Variants in KCNMA1 observed in about 807,000 individuals in gnomAD.
KCNMA1 encodes the protein Calcium-activated potassium channel subunit alpha-1.
In KCNMA1, 29 loss-of-function variants were observed where a neutral mutation model predicts 140.0. The ratio of observed to expected loss-of-function variants is 0.21; its 90% CI spans 0.15 to 0.28. The LOEUF is 0.28. KCNMA1 is among the 10% of genes least tolerant of loss of function. The pLI is 1.00. For missense variants in KCNMA1, 880 were observed against 1,602.2 expected, an observed-to-expected ratio of 0.55 and a Z score of 7.70; for synonymous variants, 612 against 611.9, an observed-to-expected ratio of 1.00 and a Z score of 0.00.
intron 24 of KCNMA1, chr10:76,914,378 AAAC>A (rs1319038074): frequency 7.4e-6 from 4 of 537,188 alleles, no homozygotes; most frequent in Non-Finnish European, 1.3e-5. Context: ...ATGGCCCTCA[AAAC>A]CCCATCATTT....
intron 3 of KCNMA1, among the ~76,000 whole-genome samples, chr10:77,204,338 T>G (rs2043383605): frequency 1.3e-5 from 2 of 152,178 alleles, no homozygotes; most frequent in South Asian, 4.1e-4. Context: ...TCACTAGCCA[T>G]GAGAGGTCCA....
chr10:77,444,336 T>C (rs2097479017), intron 1 of KCNMA1, among the ~76,000 whole-genome samples: 1 of 152,208 alleles, frequency 6.6e-6, no homozygotes, highest in Admixed American at 6.5e-5. Context: ...ACCCAATGTT[T>C]TGCCATAGTA....
chr10:77,458,326 G>A (rs1039490350), intron 1 of KCNMA1, among the ~76,000 whole-genome samples: 2 of 152,136 alleles, frequency 1.3e-5, no homozygotes, highest in African/African-American at 2.4e-5. Flanking sequence ...CTAAAGATAG[G>A]GCAGGCACCA....
rs181110412 is a variant in KCNMA1 at position 77,623,836 on chromosome 10, C to T, written c.378+13429G>A. 2.0e-5 allele frequency among the ~76,000 whole-genome samples: 3 copies of T among 152,266 alleles called. No individual in the cohort carries two copies. In the East Asian group the frequency reaches 5.8e-4, roughly 29 times the overall value. On this transcript the variant is annotated intron_variant, in intron 1 of 27. Coordinates refer to ENST00000286628, the MANE Select transcript of KCNMA1 (RefSeq NM_001161352.2). The stretch of plus-strand genomic sequence containing the variant: ...ATTGCAGCAAGTCCTACACAATTAC[C>T]AACACCCCAAAGCTACCTGGTACTC...
At chr10:77,080,182 G>T (rs2096528754) in intron 12 of KCNMA1, among the ~76,000 whole-genome samples, 1 of 152,176 alleles carries the variant, frequency 6.6e-6, no homozygotes. Context: ...CTATGGCAAT[G>T]ACCCGGTGAC....
intron 5 of KCNMA1, among the ~76,000 whole-genome samples, chr10:77,171,199 T>G (rs1323555696): frequency 2.6e-5 from 4 of 152,168 alleles, no homozygotes; most frequent in African/African-American, 9.7e-5. Flanking sequence ...CCAGGTGTAC[T>G]GAATCTGAAA....
At chr10:77,038,056 T>G (rs2094447568) in intron 15 of KCNMA1, among the ~76,000 whole-genome samples, 1 of 152,192 alleles carries the variant, frequency 6.6e-6, no homozygotes, top group Admixed American at 6.5e-5. Context: ...CATTAAAACT[T>G]TCGCTTAGAG....
chr10:77,627,535 A>C (rs932611248), intron 1 of KCNMA1, among the ~76,000 whole-genome samples: 1 of 152,202 alleles, frequency 6.6e-6, no homozygotes, highest in Non-Finnish European at 1.5e-5. Context: ...AGGACGAAGA[A>C]CCCAGGGAAG....
intron 1 of KCNMA1, among the ~76,000 whole-genome samples, chr10:77,467,536 C>G (rs1231449336): frequency 3.3e-5 from 5 of 152,202 alleles, no homozygotes; most frequent in African/African-American, 1.2e-4. Flanking sequence ...AACTCTATGT[C>G]ACAGCATCAC....
chr10:77,111,136 TC>T (rs2097311565), intron 7 of KCNMA1, among the ~76,000 whole-genome samples: 2 of 152,222 alleles, frequency 1.3e-5, no homozygotes, highest in African/African-American at 2.4e-5. Context: ...TTCCCCACTT[TC>T]CTGTCCTTCC....
intron 2 of KCNMA1, among the ~76,000 whole-genome samples, chr10:77,352,139 C>T (rs543981603): frequency 3.9e-5 from 6 of 152,326 alleles, no homozygotes; most frequent in African/African-American, 9.6e-5. Flanking sequence ...GTGCTGTCCG[C>T]GTGCAGGGTT....
At chr10:77,080,001 C>T (rs1354949357) in intron 12 of KCNMA1, among the ~76,000 whole-genome samples, 2 of 152,176 alleles carry the variant, frequency 1.3e-5, no homozygotes, top group Non-Finnish European at 2.9e-5. Flanking sequence ...GAATTCCAGT[C>T]CCAGTTCCAT....
intron 3 of KCNMA1, among the ~76,000 whole-genome samples, chr10:77,224,639 C>T (rs918212708): frequency 6.6e-6 from 1 of 152,138 alleles, no homozygotes; most frequent in Non-Finnish European, 1.5e-5. Flanking sequence ...AAGTGCTGAC[C>T]ATCCCTGCCC....
chr10:77,479,188 A>G (rs192284673), intron 1 of KCNMA1, among the ~76,000 whole-genome samples: 93 of 152,370 alleles, frequency 6.1e-4, no homozygotes, highest in Admixed American at 6.1e-3. Flanking sequence ...ATATCCACAG[A>G]TATTATTCAG....
chr10:77,076,038 A>G (rs1388825480), intron 13 of KCNMA1, among the ~76,000 whole-genome samples: 3 of 152,204 alleles, frequency 2.0e-5, no homozygotes, highest in Non-Finnish European at 4.4e-5. Context: ...GCTGTCCTGG[A>G]AAACCAGGAG....
chr10:77,164,859 G>A (rs2098619077), intron 5 of KCNMA1, among the ~76,000 whole-genome samples: 1 of 152,068 alleles, frequency 6.6e-6, no homozygotes, highest in Admixed American at 6.5e-5. Context: ...ATGGCAATAG[G>A]GAATCTAGAG....
At chr10:77,238,248 C>T (rs1449006099) in intron 3 of KCNMA1, among the ~76,000 whole-genome samples, 3 of 152,144 alleles carry the variant, frequency 2.0e-5, no homozygotes, top group African/African-American at 7.2e-5. Context: ...AGAAATACGG[C>T]CTTGTACAGA....
At chr10:77,027,754 C>T (rs1055751554) in intron 16 of KCNMA1, 69 bp downstream of exon 16, 2 of 1,244,528 alleles carry the variant, frequency 1.6e-6, no homozygotes, top group East Asian at 4.6e-5. Context: ...CAGAAGTGAA[C>T]CGACCGTTCT....
intron 3 of KCNMA1, among the ~76,000 whole-genome samples, chr10:77,220,422 G>A (rs934834284): frequency 2.0e-5 from 3 of 152,182 alleles, no homozygotes; most frequent in Non-Finnish European, 4.4e-5. Flanking sequence ...TGGCTCCAAC[G>A]GCTGGCAGCA....
Sources: gnomAD v4.1 joint callset for allele counts (sites outside exome capture counted in the v4.1 genomes callset) on GRCh38, gnomAD v4.1.1 for gene constraint, MANE v1.5 for transcripts, NCBI Gene and HGNC (gene_info 2026-07-23, HGNC 2026-07-21) for gene names.